OTUD7A: variants seen among roughly 807,000 people sequenced by gnomAD.
OTUD7A encodes the protein OTU domain-containing protein 7A.
Under a neutral mutation model 65.7 loss-of-function variants are expected in OTUD7A, and 12 were observed. The observed-to-expected ratio is 0.18, with a 90% CI of 0.12 to 0.30. The LOEUF is 0.30. Ranked by LOEUF, OTUD7A falls within the 10% of genes least tolerant of loss-of-function variation. The pLI, the probability that OTUD7A is intolerant of heterozygous loss-of-function variation, is 1.00. For missense variants in OTUD7A, 1,148 were observed against 1,304.8 expected (o/e 0.88, Z 1.85); for synonymous variants, 641 against 586.3 (o/e 1.09, Z -1.35).
At chr15:31,593,154 C>A (rs1453762918) in intron 3 of OTUD7A, among the ~76,000 whole-genome samples, 3 of 151,842 alleles carry the variant, frequency 2.0e-5, no homozygotes, top group Admixed American at 6.6e-5. Context: ...TACATGACAG[C>A]TACAATGTCA....
intron 1 of OTUD7A, among the ~76,000 whole-genome samples, chr15:31,660,908 A>C (rs7169715): frequency 0.31 from 46,575 of 152,176 alleles, 8,352 homozygotes; most frequent in African/African-American, 0.49. Context: ...GTGCTGGGAC[A>C]CACCACTTGT....
chr15:31,604,514 A>G (rs1288659744), intron 3 of OTUD7A, among the ~76,000 whole-genome samples: 1 of 152,148 alleles, frequency 6.6e-6, no homozygotes, highest in Non-Finnish European at 1.5e-5. Context: ...TGATGGGTGC[A>G]GCAAACCACC....
At chr15:31,741,443 T>C (rs1894341664) in intron 1 of OTUD7A, among the ~76,000 whole-genome samples, 1 of 152,204 alleles carries the variant, frequency 6.6e-6, no homozygotes, top group African/African-American at 2.4e-5. Context: ...ACTTCATAAT[T>C]ATAAAAGTTG....
intron 1 of OTUD7A, among the ~76,000 whole-genome samples, chr15:31,780,257 C>T (rs1190334471): frequency 6.6e-6 from 1 of 152,154 alleles, no homozygotes; most frequent in Non-Finnish European, 1.5e-5. Context: ...AAACATTTAA[C>T]GTTCAAACTA....
chr15:31,609,596 C>T (rs1308288577), intron 3 of OTUD7A, among the ~76,000 whole-genome samples: 7 of 152,260 alleles, frequency 4.6e-5, no homozygotes, highest in East Asian at 1.9e-4. Context: ...AGCTCAGACA[C>T]GCCTAGCCCT....
At chr15:31,759,881 T>G (rs1377875736) in intron 1 of OTUD7A, among the ~76,000 whole-genome samples, 1 of 152,182 alleles carries the variant, frequency 6.6e-6, no homozygotes, top group Admixed American at 6.5e-5. Context: ...CCCTCTACTC[T>G]GCATCACTTA....
intron 5 of OTUD7A, chr15:31,557,673 T>A (rs1311375824): frequency 6.6e-6 from 1 of 152,250 alleles, no homozygotes; most frequent in African/African-American, 2.4e-5. Context: ...TGCCCACTCC[T>A]TGGAAAGCAG....
chr15:31,640,707 T>A (rs1353610231), intron 3 of OTUD7A, among the ~76,000 whole-genome samples: 1 of 151,878 alleles, frequency 6.6e-6, no homozygotes, highest in Non-Finnish European at 1.5e-5. Flanking sequence ...TTCTCTACAT[T>A]AAAAAAACTA....
chr15:31,563,318 G>A (rs1207726975), intron 4 of OTUD7A, among the ~76,000 whole-genome samples: 1 of 152,222 alleles, frequency 6.6e-6, no homozygotes, highest in Non-Finnish European at 1.5e-5. Context: ...GTCAAGGAAG[G>A]CCCTGAGCAC....
At chr15:31,718,745 C>T (rs1362065558) in intron 1 of OTUD7A, among the ~76,000 whole-genome samples, 2 of 140,378 alleles carry the variant, frequency 1.4e-5, no homozygotes, top group African/African-American at 5.0e-5. Context: ...AATCTTGCTG[C>T]TACCACATGA....
intron 3 of OTUD7A, among the ~76,000 whole-genome samples, chr15:31,617,135 C>T (rs972674014): frequency 6.6e-5 from 10 of 152,174 alleles, no homozygotes; most frequent in Non-Finnish European, 1.2e-4. Flanking sequence ...ATGGAACAGA[C>T]GACAAATGAT....
At chr15:31,495,480 A>AG (rs1377064272) in intron 10 of OTUD7A, among the ~76,000 whole-genome samples, 1 of 152,180 alleles carries the variant, frequency 6.6e-6, no homozygotes, top group African/African-American at 2.4e-5. Flanking sequence ...CAAAGGTCTC[A>AG]GCTAAAAGTC....
At chr15:31,785,032 T>C (rs1016331826) in intron 1 of OTUD7A, among the ~76,000 whole-genome samples, 2 of 152,290 alleles carry the variant, frequency 1.3e-5, no homozygotes, top group African/African-American at 4.8e-5. Context: ...CCTGCAAGTA[T>C]GGCACTGATG....
At chr15:31,499,080 C>T (rs2041426817) in intron 10 of OTUD7A, among the ~76,000 whole-genome samples, 1 of 152,220 alleles carries the variant, frequency 6.6e-6, no homozygotes, top group Admixed American at 6.5e-5. Context: ...ATTTTTAAGC[C>T]TCCAGGAGCT....
intron 3 of OTUD7A, among the ~76,000 whole-genome samples, chr15:31,654,719 A>G (rs544791009): frequency 1.3e-5 from 2 of 152,326 alleles, no homozygotes; most frequent in South Asian, 4.1e-4. Flanking sequence ...AGCAAATGGT[A>G]TCTACGTGAA....
At chr15:31,779,043 A>AT (rs1895465788) in intron 1 of OTUD7A, among the ~76,000 whole-genome samples, 2 of 152,262 alleles carry the variant, frequency 1.3e-5, no homozygotes, top group African/African-American at 4.8e-5. Context: ...TATTTTAGGA[A>AT]TTTTTAATAT....
chr15:31,626,516 C>G (rs1204904610), intron 3 of OTUD7A, among the ~76,000 whole-genome samples: 1 of 152,134 alleles, frequency 6.6e-6, no homozygotes, highest in Non-Finnish European at 1.5e-5. Flanking sequence ...ATGGAACTAT[C>G]TGTAACTTGG....
rs1485545411 is a variant in OTUD7A, at chr15:31,483,191, G to A, written c.*103C>T. 8 of 1,003,518 alleles carry A rather than the reference G, an allele frequency of 8.0e-6. No individual in the cohort carries two copies. The highest frequency in any genetic ancestry group is 4.6e-5 in the South Asian group (1 of 21,534). The allele number at this position is 1,003,518 out of a possible 1,614,324, so 62.2% of individuals were successfully genotyped here. ...CACGTACACGGCACTGACAGAGGAGGCGCCGGCCTTCCGGTGGACCAGGGC... is the reference window on the plus strand; with the variant it reads ...CACGTACACGGCACTGACAGAGGAGACGCCGGCCTTCCGGTGGACCAGGGC... On this transcript the variant is annotated 3_prime_UTR_variant, in exon 13 of 13. Coordinates refer to ENST00000307050, the MANE Select transcript of OTUD7A (RefSeq NM_001382637.1).
chr15:31,529,828 T>C (rs1464561541), intron 6 of OTUD7A, among the ~76,000 whole-genome samples: 1 of 152,160 alleles, frequency 6.6e-6, no homozygotes, highest in Non-Finnish European at 1.5e-5. Context: ...GGATGCAAGT[T>C]TGACAAACAA....
Sources: allele counts gnomAD v4.1 joint callset (sites outside exome capture counted in the v4.1 genomes callset), GRCh38; gene constraint gnomAD v4.1.1; transcripts MANE v1.5; gene names NCBI Gene and HGNC (gene_info 2026-07-23, HGNC 2026-07-21).